The following PRH1 variants were observed in gnomAD, a reference collection of about 807,000 sequenced individuals.
PRH1 encodes the protein proline rich protein HaeIII subfamily 1, also known as salivary acidic proline-rich phosphoprotein 1/2.
Under a neutral mutation model 7.9 loss-of-function variants are expected in PRH1, and 7 were observed. The observed-to-expected ratio is 0.89, with a 90% CI of 0.50 to 1.67. The LOEUF (loss-of-function observed/expected upper bound fraction) is 1.67. Among genes scored for constraint, PRH1 ranks in the 40% most tolerant of loss-of-function variants. The pLI is 0.00. For missense variants in PRH1, 109 were observed against 223.6 expected (o/e 0.49, Z 3.27); for synonymous variants, 45 against 80.8 (o/e 0.56, Z 2.38).
chr12:10,911,978 T>C (rs1056752093), intron 2 of PRH1, among the ~76,000 whole-genome samples: 5 of 152,194 alleles, frequency 3.3e-5, no homozygotes, highest in African/African-American at 4.8e-5. Context: ...TGAATATGTA[T>C]CCCTAAGCAC....
chr12:11,099,775 T>C (rs577170651), intron 1 of PRH1, among the ~76,000 whole-genome samples: 7 of 152,252 alleles, frequency 4.6e-5, no homozygotes, highest in African/African-American at 1.7e-4. Flanking sequence ...TTAGAGGGTC[T>C]TCTCTTGCAG....
At chr12:11,133,243 A>T in intron 1 of PRH1, 1 of 1,545,792 alleles carries the variant, frequency 6.5e-7, no homozygotes, top group South Asian at 1.3e-5. Flanking sequence ...AAAACCCAGT[A>T]AGAAATATAA....
chr12:10,926,663 C>T (rs7298262), intron 2 of PRH1, among the ~76,000 whole-genome samples: 36,281 of 151,840 alleles, frequency 0.24, 4,395 homozygotes, highest in Non-Finnish European at 0.25. Flanking sequence ...CATTGTGGGC[C>T]GAACAACAAG....
intron 1 of PRH1, among the ~76,000 whole-genome samples, chr12:11,043,399 A>G (rs1359325048): frequency 6.6e-6 from 1 of 152,208 alleles, no homozygotes; most frequent in Non-Finnish European, 1.5e-5. Context: ...AAAAATGCTC[A>G]CAATCACTGC....
chr12:10,933,005 G>T (rs1950235597), intron 2 of PRH1, among the ~76,000 whole-genome samples: 1 of 151,992 alleles, frequency 6.6e-6, no homozygotes, highest in Non-Finnish European at 1.5e-5. Context: ...AAGATTAAAT[G>T]AATGAGAAGA....
intron 2 of PRH1, among the ~76,000 whole-genome samples, chr12:10,906,271 G>T (rs1949801028): frequency 6.6e-6 from 1 of 152,184 alleles, no homozygotes; most frequent in South Asian, 2.1e-4. Flanking sequence ...GTGCCTTATT[G>T]CAAATATTTA....
intron 1 of PRH1, among the ~76,000 whole-genome samples, chr12:11,130,335 C>A (rs2136355534): frequency 6.6e-6 from 1 of 152,310 alleles, no homozygotes; most frequent in South Asian, 2.1e-4. Flanking sequence ...CCCTAGTCCA[C>A]ATGCTGAGAC....
rs1039628633 is a variant in PRH1, at chr12:11,148,330, T to C, written n.39+23092A>G. Among the ~76,000 whole-genome samples the C allele has an allele frequency of 1.7e-3, 257 of 152,070 alleles. 3 individuals are homozygous for C. The highest frequency in any genetic ancestry group is 2.9e-3 in the Admixed American group (44 of 15,260). ...TCACAACTTCCAACACTATGTTGAA[T>C]AGGAGTGGTGAGAGAGGGCATCCCT... On this transcript the variant is annotated intron_variant and non_coding_transcript_variant, in intron 1 of 1. Transcript: ENST00000541175.
chr12:10,891,997 C>T (rs866745154), intron 2 of PRH1: 1 of 152,290 alleles, frequency 6.6e-6, no homozygotes, highest in Middle Eastern at 3.4e-3. Flanking sequence ...GAGGGATACC[C>T]TATTTCTAAA....
downstream of PRH1, among the ~76,000 whole-genome samples, chr12:11,117,550 A>C (rs908186797): frequency 2.0e-5 from 3 of 152,224 alleles, no homozygotes; most frequent in African/African-American, 7.2e-5. Flanking sequence ...TCTTCACAGA[A>C]ATAGAGAAAA....
upstream of PRH1, among the ~76,000 whole-genome samples, chr12:10,886,092 T>C (rs954475238): frequency 3.9e-5 from 6 of 152,226 alleles, no homozygotes; most frequent in Non-Finnish European, 8.8e-5. Context: ...AGATCAGCTC[T>C]AGCTGGGCCG....
At chr12:11,028,663 T>C (rs1293804792) in intron 1 of PRH1, among the ~76,000 whole-genome samples, 3 of 152,180 alleles carry the variant, frequency 2.0e-5, no homozygotes. Context: ...TAATTGACAA[T>C]AGAAAAAAAT....
chr12:11,083,937 G>GTATAGTGTTCTATTGTACAAGTGTTA (rs1311213420), intron 1 of PRH1, among the ~76,000 whole-genome samples: 12 of 74,022 alleles, frequency 1.6e-4, no homozygotes, highest in Non-Finnish European at 2.2e-4. Context: ...TGGTTCTGCT[G>GTATAGTGTTCTATTGTACAAGTGTTA]GGACAATTAA....
intron 1 of PRH1, among the ~76,000 whole-genome samples, chr12:11,143,578 T>C (rs1946770483): frequency 6.6e-6 from 1 of 152,060 alleles, no homozygotes; most frequent in African/African-American, 2.4e-5. Flanking sequence ...AGCTAATCAG[T>C]TGCCTATAAG....
intron 1 of PRH1, chr12:10,997,280 A>G: frequency 6.2e-7 from 1 of 1,614,142 alleles, no homozygotes; most frequent in Non-Finnish European, 8.5e-7. Flanking sequence ...CAGAGAGTAG[A>G]TTAACAGCAG....
intron 1 of PRH1, among the ~76,000 whole-genome samples, chr12:10,987,381 T>C (rs1037660433): frequency 6.6e-6 from 1 of 152,126 alleles, no homozygotes; most frequent in Non-Finnish European, 1.5e-5. Flanking sequence ...CTATTTATGC[T>C]ACATTTAAAC....
At chr12:10,918,209 G>A (rs1311604745) in intron 2 of PRH1, among the ~76,000 whole-genome samples, 1 of 152,026 alleles carries the variant, frequency 6.6e-6, no homozygotes, top group African/African-American at 2.4e-5. Context: ...AACACTTAGC[G>A]GGCATGTTGG....
At chr12:10,965,530 T>C (rs986447590) in intron 2 of PRH1, among the ~76,000 whole-genome samples, 2 of 152,244 alleles carry the variant, frequency 1.3e-5, no homozygotes, top group African/African-American at 4.8e-5. Context: ...TGCTAATTGA[T>C]AGTTCAATAA....
rs192702355 is a variant in PRH1, at chr12:11,099,455, G to T, written n.124-52267C>A. On this transcript the variant is annotated intron_variant and non_coding_transcript_variant, in intron 1 of 4. Transcript: ENST00000541977. ...GAAAAATGAAATCCAGGCCAGGTGT[G>T]GAGGAGGCTGAGGAGGGCAGATCAC... Among the ~76,000 whole-genome samples the T allele has an allele frequency of 3.0e-4, 45 of 152,182 alleles. 1 individual carries two copies. The highest frequency in any genetic ancestry group is 2.3e-3 in the Admixed American group (35 of 15,258).
Sources: gnomAD v4.1 joint callset for allele counts (sites outside exome capture counted in the v4.1 genomes callset) on GRCh38, gnomAD v4.1.1 for gene constraint, MANE v1.5 for transcripts, NCBI Gene and HGNC (gene_info 2026-07-23, HGNC 2026-07-21) for gene names.